Variants in HCLS1 observed in about 807,000 individuals in gnomAD.
HCLS1 encodes the protein hematopoietic lineage cell-specific protein.
Under a neutral mutation model 68.6 loss-of-function variants are expected in HCLS1, and 44 were observed. The observed-to-expected ratio is 0.64, with a 90% confidence interval of 0.50 to 0.82. The LOEUF is 0.82. HCLS1 is among the 40% of genes least tolerant of loss of function. The probability of loss-of-function intolerance (pLI) is 0.00; values close to 1 mark genes in which losing one functional copy is unlikely to be tolerated. For synonymous variants in HCLS1, 217 were observed against 225.8 expected (o/e 0.96, Z 0.35); for missense variants, 602 against 612.1 (o/e 0.98, Z 0.17).
Position 121,637,251 on chromosome 3 carries a change from A to G in HCLS1, c.460T>C (p.Ser154Pro). The change falls in exon 7 of 14, where the codon TCT becomes CCT. Residue 154 changes from serine (S) to proline (P), a missense_variant. By Grantham distance (74) the Ser-to-Pro change is moderately conservative. Coordinates refer to ENST00000314583, the MANE Select transcript of HCLS1 (RefSeq NM_005335.6). ...CCGTACCGGCCACCAAAGCCACGAG[A>G]GTAATCTGTGGTCGAAGGAGCAGTC... Reference protein sequence around the residue: ...VEKHTSQKDYSRGFGGRYGVE... With the variant: ...VEKHTSQKDYPRGFGGRYGVE... 1 of 1,611,900 alleles carries G rather than the reference A, an allele frequency of 6.2e-7. No homozygotes were observed. The highest frequency in any genetic ancestry group is 8.5e-7 in the Non-Finnish European group (1 of 1,178,050).
intron 3 of HCLS1, among the ~76,000 whole-genome samples, chr3:121,654,957 A>C (rs774789210): frequency 6.6e-6 from 1 of 152,210 alleles, no homozygotes; most frequent in Non-Finnish European, 1.5e-5. Flanking sequence ...TTTTTGATCC[A>C]GATGGGCAAA....
rs2049100537 is a variant in HCLS1 at position 121,631,854 on chromosome 3, G to T, written c.1453C>A (p.Leu485Met). The T allele has an allele frequency of 1.2e-6, 2 of 1,614,010 alleles. No individual in the cohort carries two copies. The highest frequency in any genetic ancestry group is 8.5e-7 in the Non-Finnish European group (1 of 1,180,020). Reference protein sequence around the residue: ...GLFPANYVKLLE With the variant: ...GLFPANYVKLME The stretch of plus-strand genomic sequence containing the variant: ...TAGACAGTGAGCTCTAGTCACTCCA[G>T]AAGCTTGACATAATTTGCAGGGAAG... The change falls in exon 14 of 14, where the codon CTG becomes ATG. Residue 485 changes from leucine to methionine, a missense_variant. Physicochemically the swap from Leu to Met is conservative, Grantham distance 15. Transcript: ENST00000314583.
chr3:121,659,110 A>G (rs893665786), intron 1 of HCLS1, among the ~76,000 whole-genome samples: 4 of 152,236 alleles, frequency 2.6e-5, no homozygotes, highest in Non-Finnish European at 4.4e-5. Flanking sequence ...ATAATATGTA[A>G]TAAATCTGAT....
chr3:121,644,948 G>C lies in HCLS1; in HGVS notation c.289-20C>G, dbSNP rs2049232343. Reference sequence around the variant, plus strand: ...TGCACTCTGAGAAAAATCAAGGATGGAGTGAGTGAAAAGATAAAAATGACC... The same window carrying C: ...TGCACTCTGAGAAAAATCAAGGATGCAGTGAGTGAAAAGATAAAAATGACC... On this transcript the variant is annotated intron_variant, in intron 4 of 13. Coordinates refer to ENST00000314583, the MANE Select transcript of HCLS1 (RefSeq NM_005335.6). 1 of 1,551,840 alleles carries C rather than the reference G, an allele frequency of 6.4e-7. No individual in the cohort carries two copies. The highest frequency in any genetic ancestry group is 8.9e-7 in the Non-Finnish European group (1 of 1,123,044).
intron 4 of HCLS1, among the ~76,000 whole-genome samples, chr3:121,646,465 A>C (rs1576465868): frequency 9.6e-6 from 1 of 104,470 alleles, no homozygotes; most frequent in Non-Finnish European, 1.7e-5. Context: ...TATATATGAT[A>C]TATAATATAT....
chr3:121,642,335 G>T (rs1004150647), intron 6 of HCLS1, among the ~76,000 whole-genome samples: 2 of 151,444 alleles, frequency 1.3e-5, no homozygotes, highest in Non-Finnish European at 1.5e-5. Flanking sequence ...CAGGCGTGCT[G>T]GCAGTCGCCT....
chr3:121,642,912 G>GTACA lies in HCLS1; in HGVS notation c.454+11_454+14dup, dbSNP rs767839146. On this transcript the variant is annotated intron_variant, in intron 6 of 13. Transcript: ENST00000314583. The stretch of plus-strand genomic sequence containing the variant: ...GGTCAGATTGCTGAGGCTGAGTGAA[G>GTACA]TACAGTGTCCTTGCCTTTCTGAGAT... 1 of 1,605,062 alleles carries GTACA rather than the reference G, an allele frequency of 6.2e-7. No individual in the cohort carries two copies. The highest frequency in any genetic ancestry group is 1.1e-5 in the South Asian group (1 of 90,838).
rs745714416 is a variant in HCLS1, at chr3:121,632,439, T to C, written c.1133A>G (p.Tyr378Cys). Residue 378 changes from tyrosine to cysteine, a missense_variant, in exon 12 of 14, where the codon TAT (tyrosine) becomes TGT (cysteine). Coordinates refer to ENST00000314583, the MANE Select transcript of HCLS1 (RefSeq NM_005335.6). The part of the protein sequence containing the change: ...PEPEPEPEND[Y>C]EDVEEMDRHE... ...CCTGTCCATCTCCTCAACGTCCTCA[T>C]AGTCATTCTCAGGCTCGGGCTCAGG... 1.7e-5 allele frequency: 25 copies of C among 1,514,460 alleles called. No homozygotes were observed. The Admixed American group carries it at 3.1e-4, about 19-fold the overall frequency. The allele number at this position is 1,514,460 out of a possible 1,614,324, so 93.8% of individuals were successfully genotyped here.
intron 1 of HCLS1, among the ~76,000 whole-genome samples, chr3:121,659,203 C>A (rs1327237252): frequency 2.0e-5 from 3 of 152,166 alleles, no homozygotes; most frequent in Non-Finnish European, 2.9e-5. Context: ...TGGAAGGGTG[C>A]CAAACTTATT....
At chr3:121,655,438 A>AT (rs1039384117) in intron 3 of HCLS1, 3 of 51,172 alleles carry the variant, frequency 5.9e-5, no homozygotes, top group Non-Finnish European at 9.5e-5. Flanking sequence ...AAGTTATTTC[A>AT]TTTTTTTATG....
chr3:121,632,487 G>T lies in HCLS1; in HGVS notation c.1085C>A (p.Ala362Glu). The T allele has an allele frequency of 1.2e-6, 2 of 1,614,114 alleles. No individual in the cohort carries two copies. The highest frequency in any genetic ancestry group is 1.7e-6 in the Non-Finnish European group (2 of 1,180,024). Residue 362 changes from alanine (A) to glutamate (E), a missense_variant, in exon 12 of 14, where the codon GCA (alanine) becomes GAA (glutamate). Physicochemically the swap from Ala to Glu is moderately radical, Grantham distance 107. Transcript: ENST00000314583. ...AGGCTCGGGCTCAGGCTCAGGCTCT[G>T]CTTCGTACACTGGCTCTTCCTCCAC... ...LQVEEEPVYEAEPEPEPEPEP... is the reference protein window; with the variant it reads ...LQVEEEPVYEEEPEPEPEPEP...
chr3:121,633,172 C>A lies in HCLS1; in HGVS notation c.904-1G>T. ...GAGGAGTCCCAACTGGAGGCCAGGCCTGTGGAAAATGAAGCATCTCTCAAG... is the reference window on the plus strand; with the variant it reads ...GAGGAGTCCCAACTGGAGGCCAGGCATGTGGAAAATGAAGCATCTCTCAAG... On this transcript the variant is annotated splice_acceptor_variant, in intron 10 of 13. Coordinates refer to ENST00000314583, the MANE Select transcript of HCLS1 (RefSeq NM_005335.6). LOFTEE classifies it high-confidence loss of function. The A allele has an allele frequency of 6.3e-7, 1 of 1,591,948 alleles. No individual in the cohort carries two copies. Among genetic ancestry groups the A allele is most frequent in the Non-Finnish European group, 8.6e-7 (1 of 1,167,816 alleles).
At chr3:121,639,850 T>C (rs9289173) in intron 6 of HCLS1, among the ~76,000 whole-genome samples, 105,943 of 152,016 alleles carry the variant, frequency 0.7, 37,657 homozygotes, top group East Asian at 0.85. Flanking sequence ...AAGTTTCTAC[T>C]TTAAGAGGCT....
At chr3:121,640,102 A>G (rs1287836383) in intron 6 of HCLS1, among the ~76,000 whole-genome samples, 1 of 152,218 alleles carries the variant, frequency 6.6e-6, no homozygotes, top group African/African-American at 2.4e-5. Flanking sequence ...GAAATCTTAC[A>G]GAAGTTAAAA....
intron 2 of HCLS1, 159 bp downstream of exon 2, chr3:121,658,105 C>A: frequency 1.6e-6 from 1 of 640,248 alleles, no homozygotes; most frequent in Non-Finnish European, 2.8e-6. Flanking sequence ...GCATGCCCCA[C>A]AGGTGACAGC....
Position 121,642,985 on chromosome 3 carries a change from C to T in HCLS1, c.400-4G>A, listed in dbSNP as rs375453462. On this transcript the variant is annotated splice_region_variant and splice_polypyrimidine_tract_variant and intron_variant, in intron 5 of 13. Transcript: ENST00000314583. ...TATAATCAAAGCCGACTGCTGACTA[C>T]AGAGAAGAGGAGACAGAATTGGTTA... 1.4e-5 allele frequency: 23 copies of T among 1,612,036 alleles called. No individual in the cohort carries two copies. The African/African-American group carries it at 2.9e-4, about 21-fold the overall frequency.
At chr3:121,644,715 T>C (rs758780348) in intron 5 of HCLS1, 103 bp downstream of exon 5, 1 of 851,242 alleles carries the variant, frequency 1.2e-6, no homozygotes, top group South Asian at 1.3e-5. Context: ...GCATCCACTG[T>C]CCTGTCTTTC....
chr3:121,646,270 A>G (rs1560141611), intron 4 of HCLS1, among the ~76,000 whole-genome samples: 1 of 113,240 alleles, frequency 8.8e-6, no homozygotes, highest in African/African-American at 3.7e-5. Flanking sequence ...AAAAATATAT[A>G]ATATATATTA....
chr3:121,659,643 G>A (rs1451018929), intron 1 of HCLS1, among the ~76,000 whole-genome samples: 1 of 152,140 alleles, frequency 6.6e-6, no homozygotes. Context: ...TGAGTCAGCC[G>A]GGAGTCATGG....
Sources: allele counts gnomAD v4.1 joint callset (sites outside exome capture counted in the v4.1 genomes callset), GRCh38; gene constraint gnomAD v4.1.1; transcripts MANE v1.5; gene names NCBI Gene and HGNC (gene_info 2026-07-23, HGNC 2026-07-21).